The following PIGK variants were observed in gnomAD, a reference collection of about 807,000 sequenced individuals.
The protein encoded by PIGK is GPI-anchor transamidase.
Under a neutral mutation model 50.6 loss-of-function variants are expected in PIGK, and 42 were observed. That is an observed-to-expected ratio of 0.83 (90% CI 0.65 to 1.07). PIGK has a LOEUF of 1.07. PIGK is among the 50% of genes least tolerant of loss of function. The pLI is 0.00. For missense variants in PIGK, 448 were observed against 488.7 expected (o/e 0.92, Z 0.78); for synonymous variants, 151 against 156.0 (o/e 0.97, Z 0.24).
intron 10 of PIGK, among the ~76,000 whole-genome samples, chr1:77,109,853 T>C (rs1653795641): frequency 6.6e-6 from 1 of 152,216 alleles, no homozygotes; most frequent in African/African-American, 2.4e-5. Flanking sequence ...ATTGTATATC[T>C]AGAAAACCCC....
intron 9 of PIGK, among the ~76,000 whole-genome samples, chr1:77,145,471 A>G (rs746694207): frequency 3.9e-5 from 6 of 152,088 alleles, no homozygotes; most frequent in Non-Finnish European, 7.4e-5. Flanking sequence ...AATAACATAC[A>G]AAATGTTTAG....
chr1:77,202,298 G>A (rs1656188251), intron 3 of PIGK, among the ~76,000 whole-genome samples: 1 of 152,102 alleles, frequency 6.6e-6, no homozygotes, highest in African/African-American at 2.4e-5. Flanking sequence ...ATCCAGCCTT[G>A]AAGATATAAG....
At chr1:77,213,419 G>A (rs978600992) in intron 1 of PIGK, among the ~76,000 whole-genome samples, 4 of 152,020 alleles carry the variant, frequency 2.6e-5, no homozygotes, top group African/African-American at 9.7e-5. Context: ...ACAAATTTTG[G>A]AAAATGTTCA....
rs774869705 is a variant in PIGK at position 77,210,479 on chromosome 1, T to C, written c.104A>G (p.Glu35Gly). The change falls in exon 2 of 11, where the codon GAA becomes GGA. Residue 35 changes from glutamate (E) to glycine (G), a missense_variant. Coordinates refer to ENST00000370812, the MANE Select transcript of PIGK (RefSeq NM_005482.3). Reference protein sequence around the residue: ...VAASHIEDQAEQFFRSGHTNN... With the variant: ...VAASHIEDQAGQFFRSGHTNN... The stretch of plus-strand genomic sequence containing the variant: ...TGTATGGCCACTTCTAAAGAATTGT[T>C]CTGCTTGATCCTAAATAAAGCAAAA... 2 of 1,589,910 alleles carry C rather than the reference T, an allele frequency of 1.3e-6. No homozygotes were observed.
chr1:77,195,836 G>T (rs1384282529), intron 3 of PIGK, among the ~76,000 whole-genome samples: 5 of 151,296 alleles, frequency 3.3e-5, no homozygotes, highest in African/African-American at 4.8e-5. Context: ...TACATTTTTT[G>T]ACTTTTATTT....
chr1:77,217,902 A>G (rs1300379205), intron 1 of PIGK, among the ~76,000 whole-genome samples: 1 of 152,220 alleles, frequency 6.6e-6, no homozygotes, highest in East Asian at 1.9e-4. Context: ...TTATGTAACT[A>G]CAAAAAACAG....
At chr1:77,112,441 C>T (rs1404166925) in intron 10 of PIGK, among the ~76,000 whole-genome samples, 1 of 152,024 alleles carries the variant, frequency 6.6e-6, no homozygotes, top group Non-Finnish European at 1.5e-5. Context: ...TCCCCCGTTA[C>T]CAGTGATACT....
intron 10 of PIGK, among the ~76,000 whole-genome samples, chr1:77,095,321 G>A (rs566325919): frequency 6.6e-5 from 10 of 152,242 alleles, no homozygotes; most frequent in Non-Finnish European, 1.2e-4. Flanking sequence ...ACAAATTAAT[G>A]GTAGGCTTAG....
At chr1:77,182,154 T>C (rs2100569722) in intron 3 of PIGK, among the ~76,000 whole-genome samples, 1 of 152,324 alleles carries the variant, frequency 6.6e-6, no homozygotes, top group South Asian at 2.1e-4. Context: ...TAGAGCTAGC[T>C]AGCTATAGGC....
chr1:77,148,832 A>G (rs1306807269), intron 9 of PIGK, among the ~76,000 whole-genome samples: 4 of 151,116 alleles, frequency 2.6e-5, no homozygotes, highest in African/African-American at 9.8e-5. Context: ...ATCCTGCCTC[A>G]CCCTCTTAAG....
chr1:77,094,558 A>C (rs1010536038), intron 10 of PIGK, among the ~76,000 whole-genome samples: 2 of 152,184 alleles, frequency 1.3e-5, no homozygotes, highest in African/African-American at 4.8e-5. Context: ...ATAATCAAGT[A>C]GTTATAGCAC....
At position 77,103,457 on chromosome 1, in the gene PIGK, T is replaced by TTAA. The variant is rs374063572; in HGVS notation, c.1072-10970_1072-10968dup. Among the ~76,000 whole-genome samples the TTAA allele has an allele frequency of 3.0e-4, 45 of 152,300 alleles. 2 individuals are homozygous for TTAA. In the East Asian group the frequency reaches 6.6e-3, roughly 22 times the overall value. Reference sequence around the variant, plus strand: ...GAGTTATGCTTCCACCTATGACAAATTAAATGCTAAGGAATTATCTGCCCA... The same window carrying TTAA: ...GAGTTATGCTTCCACCTATGACAAATTAATAAATGCTAAGGAATTATCTGCCCA... On this transcript the variant is annotated intron_variant, in intron 10 of 10. Transcript: ENST00000370812.
intron 9 of PIGK, among the ~76,000 whole-genome samples, chr1:77,128,324 A>G (rs1334796230): frequency 6.6e-6 from 1 of 152,232 alleles, no homozygotes; most frequent in East Asian, 1.9e-4. Context: ...TCCAAAGAGA[A>G]CTAAGGTTAC....
At chr1:77,165,345 T>C (rs973839137) in intron 5 of PIGK, among the ~76,000 whole-genome samples, 3 of 152,186 alleles carry the variant, frequency 2.0e-5, no homozygotes, top group East Asian at 1.9e-4. Context: ...AAAATAAAAT[T>C]TTTCCTGGCT....
Position 77,160,501 on chromosome 1 carries a change from C to T in PIGK, c.813+794G>A, listed in dbSNP as rs145408291. Among the ~76,000 whole-genome samples the T allele has an allele frequency of 3.4e-3, 518 of 152,278 alleles. 1 individual carries two copies. The highest frequency in any genetic ancestry group is 0.012 in the African/African-American group (479 of 41,566). On this transcript the variant is annotated intron_variant, in intron 8 of 10. Transcript: ENST00000370812. ...ACTCAGTCTCACCTTCATTCTAAGT[C>T]CCATGAAAGCAGGAACGGCATCTGC...
intron 3 of PIGK, among the ~76,000 whole-genome samples, chr1:77,178,587 TTAAG>T (rs145494879): frequency 0.17 from 26,517 of 152,060 alleles, 2,471 homozygotes; most frequent in East Asian, 0.35. Context: ...GACTGCTTAG[TTAAG>T]TGAGTAGACT....
intron 9 of PIGK, among the ~76,000 whole-genome samples, chr1:77,153,048 A>T (rs2100550434): frequency 6.6e-6 from 1 of 152,332 alleles, no homozygotes; most frequent in African/African-American, 2.4e-5. Flanking sequence ...AGTATACTGA[A>T]GAGTTATCTG....
chr1:77,109,840 A>G (rs1653795140), intron 10 of PIGK, among the ~76,000 whole-genome samples: 1 of 152,228 alleles, frequency 6.6e-6, no homozygotes, highest in Non-Finnish European at 1.5e-5. Context: ...TGCAGATGAC[A>G]TGATTGTATA....
intron 3 of PIGK, among the ~76,000 whole-genome samples, chr1:77,172,233 C>T (rs921276984): frequency 6.6e-6 from 1 of 152,098 alleles, no homozygotes; most frequent in South Asian, 2.1e-4. Flanking sequence ...GAGTATGCAC[C>T]TGTAACAATG....
Sources: gnomAD v4.1 joint callset for allele counts (sites outside exome capture counted in the v4.1 genomes callset) on GRCh38, gnomAD v4.1.1 for gene constraint, MANE v1.5 for transcripts, NCBI Gene and HGNC (gene_info 2026-07-23, HGNC 2026-07-21) for gene names.